HGSNAT: variants seen among roughly 807,000 people sequenced by gnomAD.
HGSNAT encodes the protein transmembrane protein 76.
In HGSNAT, 59 loss-of-function variants were observed where a neutral mutation model predicts 85.2. That is an observed-to-expected ratio of 0.69 (90% CI 0.56 to 0.86). HGSNAT has a LOEUF of 0.86. Ranked by LOEUF, HGSNAT falls within the 40% of genes least tolerant of loss-of-function variation. HGSNAT has a pLI of 0.00. For synonymous variants in HGSNAT, 321 were observed against 304.5 expected, an observed-to-expected ratio of 1.05 and a Z score of -0.56; for missense variants, 756 against 777.1, an observed-to-expected ratio of 0.97 and a Z score of 0.32.
At chr8:43,178,319 C>T (rs1586733448) in intron 10 of HGSNAT, 85 bp downstream of exon 10, 2 of 970,650 alleles carry the variant, frequency 2.1e-6, no homozygotes, top group African/African-American at 3.3e-5. Flanking sequence ...GCAATTCCTC[C>T]ATCTCAGGTG....
At chr8:43,148,789 G>A (rs1435839174) in intron 2 of HGSNAT, among the ~76,000 whole-genome samples, 10 of 146,156 alleles carry the variant, frequency 6.8e-5, no homozygotes, top group South Asian at 2.2e-4. Context: ...GCGAAACTCC[G>A]TCTCAAGAAA....
chr8:43,157,789 A>G (rs1803138397), intron 2 of HGSNAT, among the ~76,000 whole-genome samples: 1 of 152,116 alleles, frequency 6.6e-6, no homozygotes, highest in Non-Finnish European at 1.5e-5. Context: ...AAACAAAAAT[A>G]AAACAAAACA....
At chr8:43,192,226 C>G in intron 12 of HGSNAT, 78 bp from the exon 13 acceptor site, 4 of 1,503,682 alleles carry the variant, frequency 2.7e-6, no homozygotes, top group South Asian at 1.2e-5. Context: ...CCGTGCCCGG[C>G]CTGAGGTTTT....
chr8:43,196,661 G>T (rs1419762119), intron 14 of HGSNAT: 2 of 678,858 alleles, frequency 2.9e-6, no homozygotes, highest in African/African-American at 3.6e-5. Context: ...CTGCTCAGGA[G>T]CCTCTTCCTG....
intron 8 of HGSNAT, 67 bp downstream of exon 8, chr8:43,172,453 C>A: frequency 1.7e-6 from 2 of 1,143,186 alleles, no homozygotes; most frequent in Non-Finnish European, 2.6e-6. Flanking sequence ...GCAGGAGAAT[C>A]ACTCAGCATT....
At chr8:43,140,727 G>A (rs890807282) in intron 1 of HGSNAT, 113 bp downstream of exon 1, 87 of 367,558 alleles carry the variant, frequency 2.4e-4, no homozygotes, top group African/African-American at 1.8e-3. Context: ...GGCCGGAACC[G>A]CCCCCGTGGC....
intron 12 of HGSNAT, 131 bp downstream of exon 12, chr8:43,191,726 A>C: frequency 1.7e-6 from 2 of 1,151,552 alleles, no homozygotes; most frequent in Non-Finnish European, 2.4e-6. Flanking sequence ...CCTGCTTTGC[A>C]TGGGGAGAGG....
intron 16 of HGSNAT, 31 bp downstream of exon 16, chr8:43,197,773 T>C (rs1395571772): frequency 1.3e-6 from 2 of 1,597,908 alleles, no homozygotes; most frequent in Non-Finnish European, 1.7e-6. Context: ...ATTTTATGGA[T>C]GACTGTTCAT....
intron 11 of HGSNAT, among the ~76,000 whole-genome samples, chr8:43,190,701 G>C (rs1313444515): frequency 1.3e-5 from 2 of 152,258 alleles, no homozygotes; most frequent in South Asian, 2.1e-4. Context: ...CCAAAAGTTT[G>C]AATTTCGTTA....
chr8:43,176,283 G>T (rs907196423), intron 9 of HGSNAT, among the ~76,000 whole-genome samples: 3 of 152,106 alleles, frequency 2.0e-5, no homozygotes, highest in African/African-American at 4.8e-5. Flanking sequence ...CAGTTTTCTA[G>T]CATCATTTTT....
At chr8:43,142,513 A>T (rs1324003602) in intron 1 of HGSNAT, among the ~76,000 whole-genome samples, 1 of 152,196 alleles carries the variant, frequency 6.6e-6, no homozygotes, top group African/African-American at 2.4e-5. Context: ...GCAAAGTGAA[A>T]AAAAAAGGTG....
chr8:43,197,593 A>AAT, intron 15 of HGSNAT, 79 bp from the exon 16 acceptor site: 1 of 985,412 alleles, frequency 1.0e-6, no homozygotes, highest in African/African-American at 1.6e-5. Context: ...TTAAATAACT[A>AAT]ATATATATTG....
chr8:43,173,839 G>C, intron 9 of HGSNAT, 96 bp downstream of exon 9: 2 of 1,318,096 alleles, frequency 1.5e-6, no homozygotes. Context: ...ACGGGCATGT[G>C]TTATGTGGTT....
At chr8:43,183,457 A>T (rs1046680081) in intron 11 of HGSNAT, among the ~76,000 whole-genome samples, 1 of 146,768 alleles carries the variant, frequency 6.8e-6, no homozygotes, top group African/African-American at 2.5e-5. Context: ...GTGAGTCACC[A>T]TGCCTGGCCT....
At chr8:43,186,196 T>G (rs1182708296) in intron 11 of HGSNAT, among the ~76,000 whole-genome samples, 1 of 152,254 alleles carries the variant, frequency 6.6e-6, no homozygotes, top group African/African-American at 2.4e-5. Flanking sequence ...TTGATTGGAA[T>G]AGTTTCAGAA....
chr8:43,168,306 C>T (rs998888695), intron 5 of HGSNAT, among the ~76,000 whole-genome samples: 2 of 151,852 alleles, frequency 1.3e-5, no homozygotes, highest in African/African-American at 4.8e-5. Flanking sequence ...TTCAACTTTT[C>T]CCAGTGTGCA....
chr8:43,140,863 G>GCGCCCAGGCGGCGCC (rs1418824070), intron 1 of HGSNAT, among the ~76,000 whole-genome samples: 1 of 152,116 alleles, frequency 6.6e-6, no homozygotes, highest in East Asian at 1.9e-4. Context: ...TGGAACCTGG[G>GCGCCCAGGCGGCGCC]CGCCCAGGCG....
chr8:43,149,162 A>C (rs1189927191), intron 2 of HGSNAT, among the ~76,000 whole-genome samples: 2 of 150,738 alleles, frequency 1.3e-5, no homozygotes, highest in Non-Finnish European at 3.0e-5. Flanking sequence ...AATTAACTAC[A>C]CGAGACTGTT....
At position 43,202,823 on chromosome 8, in the gene HGSNAT, A is replaced by G. The variant is rs1209854821; in HGVS notation, c.*3254A>G. 2 of 152,222 alleles carry G rather than the reference A, an allele frequency of 1.3e-5. No homozygotes were observed. The highest frequency in any genetic ancestry group is 2.9e-5 in the Non-Finnish European group (2 of 68,030). The allele number at this position is 152,222 out of a possible 1,614,324, so 9.4% of individuals were successfully genotyped here. On this transcript the variant is annotated 3_prime_UTR_variant, in exon 18 of 18. Coordinates refer to ENST00000379644, the MANE Select transcript of HGSNAT (RefSeq NM_152419.3). ...TTTTCCAAATAAATGGGGGAGACAAATGGACTTTGAGTAAATTTCTTAGCA... is the reference window on the plus strand; with the variant it reads ...TTTTCCAAATAAATGGGGGAGACAAGTGGACTTTGAGTAAATTTCTTAGCA...
Sources: allele counts gnomAD v4.1 joint callset (sites outside exome capture counted in the v4.1 genomes callset), GRCh38; gene constraint gnomAD v4.1.1; transcripts MANE v1.5; gene names NCBI Gene and HGNC (gene_info 2026-07-23, HGNC 2026-07-21).